Variants in DPP10 observed in about 807,000 individuals in gnomAD.
DPP10 encodes the protein inactive dipeptidyl peptidase 10.
Under a neutral mutation model 120.9 loss-of-function variants are expected in DPP10, and 33 were observed. The observed-to-expected ratio is 0.27, with a 90% confidence interval of 0.21 to 0.37. DPP10 has a LOEUF of 0.37. DPP10 is among the 10% of genes least tolerant of loss of function. The pLI, the probability that DPP10 is intolerant of heterozygous loss-of-function variation, is 1.00. For missense variants in DPP10, 816 were observed against 942.8 expected (o/e 0.87, Z 1.76); for synonymous variants, 337 against 326.1 (o/e 1.03, Z -0.36).
chr2:115,159,642 T>C (rs1219676899), intron 1 of DPP10, among the ~76,000 whole-genome samples: 1 of 152,152 alleles, frequency 6.6e-6, no homozygotes, highest in African/African-American at 2.4e-5. Context: ...CAGCTAAAAA[T>C]GTTCTTAGCT....
chr2:114,870,852 T>A (rs1690636693), intron 1 of DPP10, among the ~76,000 whole-genome samples: 1 of 136,152 alleles, frequency 7.3e-6, no homozygotes. Flanking sequence ...GATCTTTTCA[T>A]GAACAGATAG....
intron 1 of DPP10, among the ~76,000 whole-genome samples, chr2:115,271,866 T>C (rs1286169920): frequency 6.6e-6 from 1 of 152,158 alleles, no homozygotes; most frequent in Non-Finnish European, 1.5e-5. Flanking sequence ...AAAGATGAAA[T>C]TGGCACCATC....
chr2:115,455,866 A>G (rs1477332648), intron 3 of DPP10, among the ~76,000 whole-genome samples: 1 of 152,186 alleles, frequency 6.6e-6, no homozygotes, highest in Non-Finnish European at 1.5e-5. Flanking sequence ...TAAAAACCCT[A>G]GAAGAAAACC....
At chr2:115,326,033 T>C (rs1186583860) in intron 2 of DPP10, among the ~76,000 whole-genome samples, 1 of 152,178 alleles carries the variant, frequency 6.6e-6, no homozygotes, top group Non-Finnish European at 1.5e-5. Flanking sequence ...ATTTTAATAC[T>C]CTGCTACATT....
At chr2:114,914,003 C>A (rs1347026284) in intron 1 of DPP10, among the ~76,000 whole-genome samples, 12 of 152,114 alleles carry the variant, frequency 7.9e-5, no homozygotes, top group Admixed American at 7.9e-4. Flanking sequence ...TTCTTCAAAT[C>A]AACTCAAACA....
chr2:114,723,109 C>G (rs1574044756), intron 1 of DPP10, among the ~76,000 whole-genome samples: 4 of 152,250 alleles, frequency 2.6e-5, no homozygotes, highest in Admixed American at 2.6e-4. Flanking sequence ...CTCTGTCCAA[C>G]TAGTTTAGTA....
At chr2:115,194,499 A>C (rs913481266) in intron 1 of DPP10, among the ~76,000 whole-genome samples, 2 of 152,162 alleles carry the variant, frequency 1.3e-5, no homozygotes, top group Non-Finnish European at 2.9e-5. Context: ...TTCTAAGGCT[A>C]CGCACTTGTT....
In DPP10 at chr2:115,544,666, A is replaced by T. The variant is rs576368921; in HGVS notation, c.441+18694A>T. Among the ~76,000 whole-genome samples the T allele has an allele frequency of 1.9e-3, 296 of 152,152 alleles. 1 individual carries two copies. Among genetic ancestry groups the T allele is most frequent in the African/African-American group, 7.0e-3 (289 of 41,540 alleles). ...CTGGCTTATTTTAAGGGTCAAAGCT[A>T]AATCAGGCCACTTGAATTTAGACTG... On this transcript the variant is annotated intron_variant, in intron 5 of 25. Coordinates refer to ENST00000410059, the MANE Select transcript of DPP10 (RefSeq NM_020868.6).
At chr2:114,896,798 ATCCCTG>A (rs1693045740) in intron 1 of DPP10, among the ~76,000 whole-genome samples, 1 of 152,224 alleles carries the variant, frequency 6.6e-6, no homozygotes, top group African/African-American at 2.4e-5. Context: ...GAGAGAGGGC[ATCCCTG>A]TCTTGTGCCA....
At chr2:115,198,400 A>ATG (rs1491301003) in intron 1 of DPP10, among the ~76,000 whole-genome samples, 3 of 152,116 alleles carry the variant, frequency 2.0e-5, no homozygotes, top group East Asian at 3.9e-4. Flanking sequence ...TGAATTTGGC[A>ATG]TGTGTGTGTG....
At chr2:114,955,675 A>T (rs1318521278) in intron 1 of DPP10, among the ~76,000 whole-genome samples, 2 of 152,234 alleles carry the variant, frequency 1.3e-5, no homozygotes, top group African/African-American at 2.4e-5. Flanking sequence ...ACCCTGATAA[A>T]CATAGGTGCA....
At chr2:114,899,657 T>A (rs1693374412) in intron 1 of DPP10, among the ~76,000 whole-genome samples, 1 of 148,552 alleles carries the variant, frequency 6.7e-6, no homozygotes, top group Non-Finnish European at 1.5e-5. Flanking sequence ...AAATACTTCA[T>A]AAGATTTATT....
chr2:114,946,718 T>G (rs1032430930), intron 1 of DPP10, among the ~76,000 whole-genome samples: 1 of 152,104 alleles, frequency 6.6e-6, no homozygotes, highest in African/African-American at 2.4e-5. Context: ...TTTTTGTTCC[T>G]ATCTTAATGA....
At chr2:114,461,878 G>T (rs576219226) in intron 1 of DPP10, 1 of 985,456 alleles carries the variant, frequency 1.0e-6, no homozygotes, top group East Asian at 1.1e-4. Context: ...ATGAAAAAGA[G>T]ACAGGTGGAG....
chr2:114,445,116 G>C (rs1677867849), intron 1 of DPP10, among the ~76,000 whole-genome samples: 1 of 152,134 alleles, frequency 6.6e-6, no homozygotes, highest in African/African-American at 2.4e-5. Context: ...GGACATTGGA[G>C]CTCAAAATAC....
At chr2:115,779,850 T>A (rs1378917177) in intron 15 of DPP10, among the ~76,000 whole-genome samples, 1 of 152,014 alleles carries the variant, frequency 6.6e-6, no homozygotes, top group Admixed American at 6.6e-5. Flanking sequence ...GATTTGTGCT[T>A]GGTATATATT....
In DPP10 at chr2:114,744,403, A is replaced by G. The variant is rs546206148; in HGVS notation, c.60+301565A>G. Reference sequence around the variant, plus strand: ...TTCAACAATCGAATAAGAGACAAAAATCAGTGAAGACTGAACGGTAGTTGA... The same window carrying G: ...TTCAACAATCGAATAAGAGACAAAAGTCAGTGAAGACTGAACGGTAGTTGA... On this transcript the variant is annotated intron_variant, in intron 1 of 25. Coordinates refer to ENST00000410059, the MANE Select transcript of DPP10 (RefSeq NM_020868.6). Among the ~76,000 whole-genome samples, 12 of 152,328 alleles carry G rather than the reference A, an allele frequency of 7.9e-5. No homozygotes were observed. The South Asian group carries it at 2.5e-3, about 32-fold the overall frequency.
At chr2:115,016,120 C>CA (rs1416275220) in intron 1 of DPP10, among the ~76,000 whole-genome samples, 1 of 152,080 alleles carries the variant, frequency 6.6e-6, no homozygotes, top group African/African-American at 2.4e-5. Flanking sequence ...CTAAAGTAAC[C>CA]AAAACAGCAT....
At chr2:114,634,908 C>G (rs1351037534) in intron 1 of DPP10, among the ~76,000 whole-genome samples, 1 of 151,254 alleles carries the variant, frequency 6.6e-6, no homozygotes, top group Admixed American at 6.6e-5. Flanking sequence ...AGTTGATGAA[C>G]TTGAACAAAA....
Sources: allele counts gnomAD v4.1 joint callset (sites outside exome capture counted in the v4.1 genomes callset), GRCh38; gene constraint gnomAD v4.1.1; transcripts MANE v1.5; gene names NCBI Gene and HGNC (gene_info 2026-07-23, HGNC 2026-07-21).